The following ANKRD62 variants were observed in gnomAD, a reference collection of about 807,000 sequenced individuals.
ANKRD62 encodes the protein ankyrin repeat domain 62, also known as ankyrin repeat domain-containing protein 62.
A neutral mutation model predicts 98.8 loss-of-function variants in ANKRD62; 61 were observed. The ratio of observed to expected loss-of-function variants is 0.62; its 90% CI spans 0.50 to 0.76. The LOEUF is 0.76. ANKRD62 is among the 30% of genes least tolerant of loss of function. The pLI is 0.00. For synonymous variants in ANKRD62, 341 were observed against 367.9 expected, an observed-to-expected ratio of 0.93 and a Z score of 0.84; for missense variants, 933 against 1,082.9, an observed-to-expected ratio of 0.86 and a Z score of 1.94.
At chr18:12,114,001 C>G (rs1231741276) in intron 8 of ANKRD62, among the ~76,000 whole-genome samples, 1 of 152,132 alleles carries the variant, frequency 6.6e-6, no homozygotes, top group African/African-American at 2.4e-5. Flanking sequence ...ATGGATGGAG[C>G]TGGTGGCCAT....
intron 6 of ANKRD62, chr18:12,102,915 T>G (rs1909336793): frequency 7.3e-6 from 4 of 547,156 alleles, no homozygotes; most frequent in African/African-American, 2.0e-5. Flanking sequence ...TGAGCGAATC[T>G]TTGAGATGTT....
Position 12,094,058 on chromosome 18 carries a change from G to T in ANKRD62, c.41G>T (p.Arg14Leu). The T allele has an allele frequency of 1.3e-6, 2 of 1,535,158 alleles. No homozygotes were observed. The highest frequency in any genetic ancestry group is 1.7e-6 in the Non-Finnish European group (2 of 1,146,764). The change falls in exon 1 of 14, where the codon CGC becomes CTC. Residue 14 changes from arginine (R) to leucine (L), a missense_variant. By Grantham distance (102) the Arg-to-Leu change is moderately radical. This residue lies in a region of ANKRD62 where 549 missense variants were observed against 587.9 expected (regional missense o/e 0.93). Transcript: ENST00000587848. ...TCGTTCCTGGCGGCCTGCAGGAGAC[G>T]CATGGCTACCTGGAGGAAGAATCGT... is the stretch of plus-strand genomic sequence containing the variant. Reference protein sequence around the residue: ...RGSFLAACRRRMATWRKNRDK... With the variant: ...RGSFLAACRRLMATWRKNRDK...
chr18:12,121,180 A>C (rs1909774698), intron 10 of ANKRD62, among the ~76,000 whole-genome samples: 1 of 152,220 alleles, frequency 6.6e-6, no homozygotes, highest in African/African-American at 2.4e-5. Context: ...TGATTTTTAA[A>C]GAAATACCTT....
chr18:12,141,572 G>A, the ANKRD62 span, among the ~76,000 whole-genome samples: 7 of 140,972 alleles, frequency 5.0e-5, no homozygotes, highest in South Asian at 2.5e-4. Context: ...TGTGACTCTC[G>A]GTTTCCTTGC....
chr18:12,180,637 CTTA>C, the ANKRD62 span, among the ~76,000 whole-genome samples: 1 of 143,634 alleles, frequency 7.0e-6, no homozygotes, highest in Non-Finnish European at 1.5e-5. Flanking sequence ...ACCCCAAGAA[CTTA>C]CCTGCATTTG....
At chr18:12,138,535 G>A in the ANKRD62 span, among the ~76,000 whole-genome samples, 1 of 152,182 alleles carries the variant, frequency 6.6e-6, no homozygotes, top group Admixed American at 6.5e-5. Flanking sequence ...GATTTGGGGT[G>A]GAGAGTTCTG....
intron 8 of ANKRD62, among the ~76,000 whole-genome samples, chr18:12,114,203 T>C (rs1403615313): frequency 1.3e-5 from 2 of 152,136 alleles, no homozygotes; most frequent in Non-Finnish European, 2.9e-5. Context: ...CTAGGCTTAA[T>C]ACGTGTGTGA....
the ANKRD62 span, among the ~76,000 whole-genome samples, chr18:12,137,540 T>C: frequency 2.0e-5 from 3 of 151,892 alleles, no homozygotes; most frequent in African/African-American, 7.3e-5. Context: ...CAGGCTTTGG[T>C]ATCAGGATGA....
intron 10 of ANKRD62, among the ~76,000 whole-genome samples, chr18:12,121,206 T>C (rs527961517): frequency 6.6e-6 from 1 of 152,338 alleles, no homozygotes; most frequent in African/African-American, 2.4e-5. Context: ...CCTTCACTTA[T>C]TGTCTCGAGC....
chr18:12,096,343 G>C, intron 4 of ANKRD62, 41 bp downstream of exon 4: 1 of 1,132,178 alleles, frequency 8.8e-7, no homozygotes, highest in Non-Finnish European at 1.2e-6. Context: ...AACCTGAGTG[G>C]TGTTCTAGAG....
At chr18:12,099,717 C>A in intron 6 of ANKRD62, 35 bp downstream of exon 6, 1 of 1,251,064 alleles carries the variant, frequency 8.0e-7, no homozygotes. Context: ...TCTCGATGGT[C>A]CTGTCATAGA....
the ANKRD62 span, among the ~76,000 whole-genome samples, chr18:12,139,742 G>A: frequency 6.6e-6 from 1 of 151,986 alleles, no homozygotes; most frequent in Non-Finnish European, 1.5e-5. Flanking sequence ...GCTTCCCTTT[G>A]TGGGTAACCC....
At chr18:12,138,738 G>A in the ANKRD62 span, among the ~76,000 whole-genome samples, 1 of 152,088 alleles carries the variant, frequency 6.6e-6, no homozygotes, top group Admixed American at 6.6e-5. Context: ...TCCTGTATTG[G>A]GTGCATACAT....
At chr18:12,112,110 TCAAAA>T (rs1415797176) in intron 8 of ANKRD62, among the ~76,000 whole-genome samples, 1 of 81,868 alleles carries the variant, frequency 1.2e-5, no homozygotes, top group African/African-American at 6.4e-5. Context: ...AGACTCCAAC[TCAAAA>T]AAAAAAAAAA....
chr18:12,163,461 T>A, the ANKRD62 span, among the ~76,000 whole-genome samples: 1,697 of 152,232 alleles, frequency 0.011, 31 homozygotes, highest in African/African-American at 0.039. Context: ...CAAATAAGGA[T>A]AATTTGACTT....
chr18:12,095,618 C>A lies in ANKRD62; in HGVS notation c.507+8C>A. 6.7e-7 allele frequency: 1 copy of A among 1,495,456 alleles called. No individual in the cohort carries two copies. The highest frequency in any genetic ancestry group is 1.3e-5 in the South Asian group (1 of 76,728). 92.6% of individuals were successfully genotyped at this position (1,495,456 alleles called of 1,614,324 possible). On this transcript the variant is annotated splice_region_variant and intron_variant, in intron 3 of 13. Coordinates refer to ENST00000587848, the MANE Select transcript of ANKRD62 (RefSeq NM_001277333.2). The stretch of plus-strand genomic sequence containing the variant: ...ATTGAAGCAAGAAGCCAGGTATGAT[C>A]AACCAATGTTCTTTTCAAAGTATTT...
At chr18:12,174,612 T>A in the ANKRD62 span, among the ~76,000 whole-genome samples, 3 of 152,192 alleles carry the variant, frequency 2.0e-5, no homozygotes, top group African/African-American at 7.2e-5. Flanking sequence ...CACTGGTGTT[T>A]TCTCATCTTT....
In ANKRD62 at chr18:12,103,180, A is replaced by G; in HGVS notation, c.843A>G (p.Ser281=). Reference sequence around the variant, plus strand: ...CAGAACAAGACTTAGAAATGACATCAGAGGGAGAGCAAGAAAGGCTTGAAG... The same window carrying G: ...CAGAACAAGACTTAGAAATGACATCGGAGGGAGAGCAAGAAAGGCTTGAAG... ...SNSEQDLEMT[S]EGEQERLEGC... Residue 281 remains serine, a synonymous_variant, in exon 7 of 14, where the codon TCA becomes TCG. Coordinates refer to ENST00000587848, the MANE Select transcript of ANKRD62 (RefSeq NM_001277333.2). The G allele has an allele frequency of 1.4e-6, 2 of 1,379,592 alleles. No homozygotes were observed. The highest frequency in any genetic ancestry group is 1.9e-6 in the Non-Finnish European group (2 of 1,058,488). The allele number at this position is 1,379,592 out of a possible 1,614,324, so 85.5% of individuals were successfully genotyped here.
At chr18:12,163,312 C>T in the ANKRD62 span, among the ~76,000 whole-genome samples, 5 of 152,018 alleles carry the variant, frequency 3.3e-5, no homozygotes, top group African/African-American at 1.2e-4. Context: ...TGTTTGCTGT[C>T]AGCCTATAGA....
Sources: gnomAD v4.1 joint callset for allele counts (sites outside exome capture counted in the v4.1 genomes callset) on GRCh38, gnomAD v4.1.1 for gene constraint, gnomAD v4.1.1 regional missense constraint, MANE v1.5 for transcripts, NCBI Gene and HGNC (gene_info 2026-07-23, HGNC 2026-07-21) for gene names.